MAGEE2: variants seen among roughly 807,000 people sequenced by gnomAD.
MAGEE2 encodes the protein melanoma-associated antigen E2.
For synonymous variants in MAGEE2, 189 were observed against 155.4 expected (o/e 1.22, Z -1.61); for missense variants, 508 against 391.1 (o/e 1.30, Z -2.52).
rs1266714767 is a variant in MAGEE2 at position 75,785,106 on chromosome X, A to AC, written c.-56dup. On this transcript the variant is annotated 5_prime_UTR_variant, in exon 1 of 1. Transcript: ENST00000373359. ...AGATCAGCGATCAGTCGGAGAGAGG[A>AC]CCGCAGCAGTGTTGGTGCCTCGGCA... The AC allele has an allele frequency of 9.3e-7, 1 of 1,078,994 alleles. No homozygotes were observed. Among genetic ancestry groups the AC allele is most frequent in the African/African-American group, 1.9e-5 (1 of 54,024 alleles). The allele number at this position is 1,078,994 out of a possible 1,213,427, so 88.9% of individuals were successfully genotyped here. A position where few individuals can be genotyped will look rare whatever the true frequency, so the allele number is the denominator to read the frequency against.
In MAGEE2 at chrX:75,785,140, A is replaced by C; in HGVS notation, c.-89T>G. ...GTGTTGGTGCCTCGGCACAAAGCTG[A>C]AGCCCGAGACCCTGGAGCTGGAAGG... On this transcript the variant is annotated 5_prime_UTR_variant, in exon 1 of 1. Transcript: ENST00000373359. 1 of 970,812 alleles carries C rather than the reference A, an allele frequency of 1.0e-6. No homozygotes were observed. The highest frequency in any genetic ancestry group is 1.4e-6 in the Non-Finnish European group (1 of 737,750). 80.0% of individuals were successfully genotyped at this position (970,812 alleles called of 1,213,427 possible).
chrX:75,784,092 C>G lies in MAGEE2; in HGVS notation c.960G>C (p.Gln320His), dbSNP rs1383422897. Residue 320 changes from glutamine to histidine, a missense_variant, in exon 1 of 1, where the codon CAG becomes CAC. Physicochemically the swap from Gln to His is conservative, Grantham distance 24. Transcript: ENST00000373359. The part of the protein sequence containing the change: ...TMNDKANDLV[Q>H]LAISVTEEML... Reference sequence around the variant, plus strand: ...TCTCCTCAGTGACACTAATAGCCAACTGGACCAAATCATTTGCCTTATCAT... The same window carrying G: ...TCTCCTCAGTGACACTAATAGCCAAGTGGACCAAATCATTTGCCTTATCAT... The G allele has an allele frequency of 8.3e-7, 1 of 1,211,274 alleles. No homozygotes were observed. Among genetic ancestry groups the G allele is most frequent in the East Asian group, 3.0e-5 (1 of 33,859 alleles).
chrX:75,784,894 G>C lies in MAGEE2; in HGVS notation c.158C>G (p.Ser53Cys), dbSNP rs757100252. ...GGCCTGGGAAGTGTTGACACACTGA[G>C]AGTTGATTGGCGCCTGAGGGCACTG... ...APQCPQAPINSQCVNTSQAVQ... is the reference protein window; with the variant it reads ...APQCPQAPINCQCVNTSQAVQ... The change falls in exon 1 of 1, where the codon TCT (serine) becomes TGT (cysteine). Residue 53 changes from serine to cysteine, a missense_variant. Coordinates refer to ENST00000373359, the MANE Select transcript of MAGEE2 (RefSeq NM_138703.5). The C allele has an allele frequency of 2.5e-6, 3 of 1,187,483 alleles. No individual in the cohort carries two copies. The highest frequency in any genetic ancestry group is 3.4e-6 in the Non-Finnish European group (3 of 882,470).
rs771887173 is a variant in MAGEE2, at chrX:75,785,070, C to A, written c.-19G>T. 15 of 1,115,609 alleles carry A rather than the reference C, an allele frequency of 1.3e-5. No homozygotes were observed. In the Admixed American group the frequency reaches 4.3e-4, roughly 32 times the overall value. 91.9% of individuals were successfully genotyped at this position (1,115,609 alleles called of 1,213,427 possible). Reference sequence around the variant, plus strand: ...GAGACATGGTTCCAGGAGACAGGAGCGGGAACGGTGAGATCAGCGATCAGT... The same window carrying A: ...GAGACATGGTTCCAGGAGACAGGAGAGGGAACGGTGAGATCAGCGATCAGT... On this transcript the variant is annotated 5_prime_UTR_variant, in exon 1 of 1. Transcript: ENST00000373359.
chrX:75,784,549 A>T lies in MAGEE2; in HGVS notation c.503T>A (p.Ile168Lys). Reference sequence around the variant, plus strand: ...TTTTGGCATGTCCAGGGACTCCGCTATCCTATCGGTGATCTGGAAACCCCG... The same window carrying T: ...TTTTGGCATGTCCAGGGACTCCGCTTTCCTATCGGTGATCTGGAAACCCCG... ...SKRGFQITDR[I>K]AESLDMPKAS... The change falls in exon 1 of 1, where the codon ATA (isoleucine) becomes AAA (lysine). Residue 168 changes from isoleucine (I) to lysine (K), a missense_variant. Ile to Lys is a moderately radical substitution (Grantham distance 102). Transcript: ENST00000373359. The T allele has an allele frequency of 8.3e-7, 1 of 1,211,227 alleles. No homozygotes were observed. The highest frequency in any genetic ancestry group is 1.1e-6 in the Non-Finnish European group (1 of 895,316).
chrX:75,784,962 G>A lies in MAGEE2; in HGVS notation c.90C>T (p.Asn30=), dbSNP rs761869322. ...GDGRGEIQAT[N]ASGSPTSMLV... ...GCATGGAGGTGGGGGACCCGGAGGC[G>A]TTAGTAGCTTGTATTTCACCTCTGC... Residue 30 remains asparagine (N), a synonymous_variant, in exon 1 of 1, where the codon AAC becomes AAT. Coordinates refer to ENST00000373359, the MANE Select transcript of MAGEE2 (RefSeq NM_138703.5). 18 of 1,147,852 alleles carry A rather than the reference G, an allele frequency of 1.6e-5. No individual in the cohort carries two copies. Among genetic ancestry groups the A allele is most frequent in the African/African-American group, 1.3e-4 (7 of 54,646 alleles). 94.6% of individuals were successfully genotyped at this position (1,147,852 alleles called of 1,213,427 possible). A position where few individuals can be genotyped will look rare whatever the true frequency, so the allele number is the denominator to read the frequency against.
In MAGEE2 at chrX:75,784,891, T is replaced by A; in HGVS notation, c.161A>T (p.Gln54Leu). 1 of 1,190,461 alleles carries A rather than the reference T, an allele frequency of 8.4e-7. No individual in the cohort carries two copies. Among genetic ancestry groups the A allele is most frequent in the Non-Finnish European group, 1.1e-6 (1 of 883,592 alleles). The change falls in exon 1 of 1, where the codon CAG becomes CTG. Residue 54 changes from glutamine (Q) to leucine (L), a missense_variant. Transcript: ENST00000373359. ...AACGGCCTGGGAAGTGTTGACACAC[T>A]GAGAGTTGATTGGCGCCTGAGGGCA... is the stretch of plus-strand genomic sequence containing the variant. The part of the protein sequence containing the change: ...PQCPQAPINS[Q>L]CVNTSQAVQD...
In MAGEE2 at chrX:75,784,410, C is replaced by G; in HGVS notation, c.642G>C (p.Arg214Ser). ...LKVDMWDKPQ[R>S]INNLFGNTRN... ...TTGTGTTCCCAAAGAGGTTGTTGAT[C>G]CTCTGAGGCTTATCCCACATATCAA... Residue 214 changes from arginine (R) to serine (S), a missense_variant, in exon 1 of 1, where the codon AGG (arginine) becomes AGC (serine). Arg to Ser is a moderately radical substitution (Grantham distance 110). Transcript: ENST00000373359. 8.3e-7 allele frequency: 1 copy of G among 1,211,853 alleles called. No homozygotes were observed. The highest frequency in any genetic ancestry group is 1.1e-6 in the Non-Finnish European group (1 of 895,531).
Position 75,784,141 on chromosome X carries a change from T to C in MAGEE2, c.911A>G (p.Glu304Gly). The change falls in exon 1 of 1, where the codon GAG becomes GGG. Residue 304 changes from glutamate to glycine, a missense_variant. Transcript: ENST00000373359. ...ATTCATAGTGTCCTCCGACCAGAAC[T>C]CTAAGCCAGCAGTCAGGCTTCTTTC... ...TKERSLTAGLEFWSEDTMNDK... is the reference protein window; with the variant it reads ...TKERSLTAGLGFWSEDTMNDK... The C allele has an allele frequency of 8.3e-7, 1 of 1,211,908 alleles. No individual in the cohort carries two copies. Among genetic ancestry groups the C allele is most frequent in the Non-Finnish European group, 1.1e-6 (1 of 895,598 alleles).
At position 75,784,049 on chromosome X, in the gene MAGEE2, C is replaced by G. The variant is rs2087867805; in HGVS notation, c.1003G>C (p.Asp335His). The G allele has an allele frequency of 8.3e-7, 1 of 1,209,231 alleles. No homozygotes were observed. Among genetic ancestry groups the G allele is most frequent in the South Asian group, 1.8e-5 (1 of 56,992 alleles). ...VTEEMLPIHQ[D>H]ELLAHTGKEF... ...TTGCCAGTGTGAGCCAATAGCTCAT[C>G]CTGATGTATAGGCAGCATCTCCTCA... The change falls in exon 1 of 1, where the codon GAT (aspartate) becomes CAT (histidine). Residue 335 changes from aspartate (D) to histidine (H), a missense_variant. Coordinates refer to ENST00000373359, the MANE Select transcript of MAGEE2 (RefSeq NM_138703.5).
At position 75,784,757 on chromosome X, in the gene MAGEE2, T is replaced by A. The variant is rs1348916755; in HGVS notation, c.295A>T (p.Met99Leu). 8.3e-7 allele frequency: 1 copy of A among 1,209,564 alleles called. No homozygotes were observed. The highest frequency in any genetic ancestry group is 2.2e-5 in the Admixed American group (1 of 45,714). ...CCCTCCGTCTGGCTTTTCATTCTCATGAAATTCACCAAAGCAATCGACCTG... is the reference window on the plus strand; with the variant it reads ...CCCTCCGTCTGGCTTTTCATTCTCAAGAAATTCACCAAAGCAATCGACCTG... ...EDRSIALVNF[M>L]RMKSQTEGSI... Residue 99 changes from methionine (M) to leucine (L), a missense_variant, in exon 1 of 1, where the codon ATG becomes TTG. Coordinates refer to ENST00000373359, the MANE Select transcript of MAGEE2 (RefSeq NM_138703.5).
Position 75,784,503 on chromosome X carries a change from G to A in MAGEE2, c.549C>T (p.Val183=), listed in dbSNP as rs1210034517. The change falls in exon 1 of 1, where the codon GTC becomes GTT. Residue 183 remains valine (V), a synonymous_variant. Coordinates refer to ENST00000373359, the MANE Select transcript of MAGEE2 (RefSeq NM_138703.5). ...TCCCATTCAAGAGGATGTGGCCTAG[G>A]ACTAGGGCCAGGAGACTTGCTTTTG... ...DMPKASLLAL[V]LGHILLNGNR... 1 of 1,211,782 alleles carries A rather than the reference G, an allele frequency of 8.3e-7. No individual in the cohort carries two copies. The highest frequency in any genetic ancestry group is 2.2e-5 in the Admixed American group (1 of 46,062).
In MAGEE2 at chrX:75,785,041, A is replaced by G; in HGVS notation, c.11T>C (p.Val4Ala). The change falls in exon 1 of 1, where the codon GTA (valine) becomes GCA (alanine). Residue 4 changes from valine (V) to alanine (A), a missense_variant. Val to Ala is a moderately conservative substitution (Grantham distance 64, BLOSUM62 0). Transcript: ENST00000373359. MSLVSQNARHCSAE... is the reference protein window; with the variant it reads MSLASQNARHCSAE... ...GCTACAGTGGCGTGCATTCTGGCTT[A>G]CCAGAGACATGGTTCCAGGAGACAG... The G allele has an allele frequency of 8.9e-7, 1 of 1,126,358 alleles. No homozygotes were observed. Among genetic ancestry groups the G allele is most frequent in the East Asian group, 3.0e-5 (1 of 33,137 alleles). The allele number at this position is 1,126,358 out of a possible 1,213,427, so 92.8% of individuals were successfully genotyped here. A position where few individuals can be genotyped will look rare whatever the true frequency, so the allele number is the denominator to read the frequency against.
chrX:75,784,013 C>T lies in MAGEE2; in HGVS notation c.1039G>A (p.Asp347Asn), dbSNP rs1316691138. The stretch of plus-strand genomic sequence containing the variant: ...CTATTGAGGATATTTGGGAACACAT[C>T]CTCAAATTCTTTGCCAGTGTGAGCC... ...LLAHTGKEFE[D>N]VFPNILNRAT... Residue 347 changes from aspartate (D) to asparagine (N), a missense_variant, in exon 1 of 1, where the codon GAT (aspartate) becomes AAT (asparagine). By Grantham distance (23) the Asp-to-Asn change is conservative. Transcript: ENST00000373359. 1 of 1,209,306 alleles carries T rather than the reference C, an allele frequency of 8.3e-7. No individual in the cohort carries two copies. Among genetic ancestry groups the T allele is most frequent in the Non-Finnish European group, 1.1e-6 (1 of 895,431 alleles).
In MAGEE2 at chrX:75,784,790, G is replaced by T. The variant is rs1489299738; in HGVS notation, c.262C>A (p.Leu88Ile). 1 of 1,211,597 alleles carries T rather than the reference G, an allele frequency of 8.3e-7. No homozygotes were observed. Among genetic ancestry groups the T allele is most frequent in the Non-Finnish European group, 1.1e-6 (1 of 895,496 alleles). The change falls in exon 1 of 1, where the codon CTA becomes ATA. Residue 88 changes from leucine to isoleucine, a missense_variant. Coordinates refer to ENST00000373359, the MANE Select transcript of MAGEE2 (RefSeq NM_138703.5). ...RLGALRVHDP[L>I]EDRSIALVNF... The stretch of plus-strand genomic sequence containing the variant: ...ACCAAAGCAATCGACCTGTCTTCTA[G>T]AGGGTCATGGACCCTGAGCGCCCCC...
Position 75,784,335 on chromosome X carries a change from C to T in MAGEE2, c.717G>A (p.Trp239Ter). 1 of 1,211,742 alleles carries T rather than the reference C, an allele frequency of 8.3e-7. No individual in the cohort carries two copies. ...CAAGGGGATTAGTGCCATACACCGG[C>T]CAGTACTCCAAGAATCGCATGCACA... ...DFVCMRFLEY[W>*]PVYGTNPLEF... The change falls in exon 1 of 1, where the codon TGG becomes TGA. Residue 239 changes from tryptophan (W) to a stop codon, truncating the protein, a stop_gained. Coordinates refer to ENST00000373359, the MANE Select transcript of MAGEE2 (RefSeq NM_138703.5). LOFTEE classifies it low-confidence loss of function (END_TRUNC).
At position 75,784,833 on chromosome X, in the gene MAGEE2, G is replaced by A. The variant is rs749734220; in HGVS notation, c.219C>T (p.Asp73=). 2 of 1,211,198 alleles carry A rather than the reference G, an allele frequency of 1.7e-6. No homozygotes were observed. Among genetic ancestry groups the A allele is most frequent in the Non-Finnish European group, 2.2e-6 (2 of 895,249 alleles). ...GCGCCCCCAAACGTCTGGACTGCTCGTCGATCAGGACCTCCAGGTCATTCG... is the reference window on the plus strand; with the variant it reads ...GCGCCCCCAAACGTCTGGACTGCTCATCGATCAGGACCTCCAGGTCATTCG... The part of the protein sequence containing the change: ...QDPNDLEVLI[D]EQSRRLGALR... Residue 73 remains aspartate (D), a synonymous_variant, in exon 1 of 1, where the codon GAC becomes GAT. Coordinates refer to ENST00000373359, the MANE Select transcript of MAGEE2 (RefSeq NM_138703.5).
At position 75,784,432 on chromosome X, in the gene MAGEE2, T is replaced by A; in HGVS notation, c.620A>T (p.Asp207Val). The A allele has an allele frequency of 8.3e-7, 1 of 1,211,900 alleles. No individual in the cohort carries two copies. The highest frequency in any genetic ancestry group is 3.0e-5 in the East Asian group (1 of 33,830). Residue 207 changes from aspartate (D) to valine (V), a missense_variant, in exon 1 of 1, where the codon GAT (aspartate) becomes GTT (valine). By Grantham distance (152) the Asp-to-Val change is radical. Transcript: ENST00000373359. Reference sequence around the variant, plus strand: ...GATCCTCTGAGGCTTATCCCACATATCAACTTTTAGCAGCAAGTCCCAAAT... The same window carrying A: ...GATCCTCTGAGGCTTATCCCACATAACAACTTTTAGCAGCAAGTCCCAAAT... ...ASIWDLLLKV[D>V]MWDKPQRINN...
chrX:75,783,756 C>T lies in MAGEE2; in HGVS notation c.1296G>A (p.Val432=). Residue 432 remains valine (V), a synonymous_variant, in exon 1 of 1, where the codon GTG becomes GTA. Coordinates refer to ENST00000373359, the MANE Select transcript of MAGEE2 (RefSeq NM_138703.5). Reference sequence around the variant, plus strand: ...TGATGGAATGCTTTCTCCCTACATCCACACTAAATCTTCGAAGCAAGTTCC... The same window carrying T: ...TGATGGAATGCTTTCTCCCTACATCTACACTAAATCTTCGAAGCAAGTTCC... The part of the protein sequence containing the change: ...NVWNLLRRFS[V]DVGRKHSITR... The T allele has an allele frequency of 8.3e-7, 1 of 1,211,804 alleles. No homozygotes were observed. Among genetic ancestry groups the T allele is most frequent in the Non-Finnish European group, 1.1e-6 (1 of 895,528 alleles).
Sources: allele counts gnomAD v4.1 joint callset, GRCh38; gene constraint gnomAD v4.1.1; transcripts MANE v1.5; gene names NCBI Gene and HGNC (gene_info 2026-07-23, HGNC 2026-07-21).